The following ZBTB25 variants were observed in gnomAD, a reference collection of about 807,000 sequenced individuals.
The protein encoded by ZBTB25 is zinc finger and BTB domain containing 25.
Under a neutral mutation model 34.2 loss-of-function variants are expected in ZBTB25, and 20 were observed. The observed-to-expected ratio is 0.58, with a 90% CI of 0.41 to 0.85. ZBTB25 has a LOEUF of 0.85. ZBTB25 is among the 40% of genes least tolerant of loss of function. ZBTB25 has a pLI of 0.00. For missense variants in ZBTB25, 437 were observed against 521.8 expected (o/e 0.84, Z 1.58); for synonymous variants, 175 against 186.4 (o/e 0.94, Z 0.50).
Position 64,454,875 on chromosome 14 carries a change from G to A in ZBTB25, c.174-5237C>T. The A allele has an allele frequency of 2.5e-6, 4 of 1,614,154 alleles. No homozygotes were observed. The highest frequency in any genetic ancestry group is 2.2e-5 in the East Asian group (1 of 44,886). ...GTTTTCTGTACCCCTTAGTAGGAACGGTAAGTGCATGCTGCAAGGGAGTAG... is the reference window on the plus strand; with the variant it reads ...GTTTTCTGTACCCCTTAGTAGGAACAGTAAGTGCATGCTGCAAGGGAGTAG... On this transcript the variant is annotated intron_variant, in intron 2 of 2. Coordinates refer to the ZBTB25 transcript ENST00000555220.
In ZBTB25 at chr14:64,485,578, A is replaced by C. The variant is rs1396852552; in HGVS notation, c.*1345T>G. On this transcript the variant is annotated 3_prime_UTR_variant, in exon 3 of 3. Coordinates refer to ENST00000608382, the MANE Select transcript of ZBTB25 (RefSeq NM_006977.5). ...ACCATTATAAAAGAGAGTTAAGTTGATTTATAGAGGAAAAGCTAACATCAT... is the reference window on the plus strand; with the variant it reads ...ACCATTATAAAAGAGAGTTAAGTTGCTTTATAGAGGAAAAGCTAACATCAT... 1.0e-6 allele frequency: 1 copy of C among 985,134 alleles called. No homozygotes were observed. The highest frequency in any genetic ancestry group is 1.1e-4 in the East Asian group (1 of 8,816). 61.0% of individuals were successfully genotyped at this position (985,134 alleles called of 1,614,324 possible). A position where few individuals can be genotyped will look rare whatever the true frequency, so the allele number is the denominator to read the frequency against.
chr14:64,473,523 T>G (rs967517367), downstream of ZBTB25: 1 of 167,150 alleles, frequency 6.0e-6, no homozygotes, highest in African/African-American at 2.4e-5. Context: ...GGCTTCTGTA[T>G]GCAATCCAGC....
chr14:64,500,875 A>C (rs2079470324), intron 1 of ZBTB25, among the ~76,000 whole-genome samples: 1 of 152,130 alleles, frequency 6.6e-6, no homozygotes, highest in Non-Finnish European at 1.5e-5. Context: ...ACATGGCGAA[A>C]CCCTGTCTCT....
At position 64,495,364 on chromosome 14, in the gene ZBTB25, T is replaced by C. The variant is rs138758646; in HGVS notation, c.-7-4824A>G. 4.2e-3 allele frequency among the ~76,000 whole-genome samples: 633 copies of C among 152,342 alleles called. 5 individuals are homozygous for C. Among genetic ancestry groups the C allele is most frequent in the African/African-American group, 0.015 (611 of 41,564 alleles). ...CTCCACACATGTACAGTTGAGGGGT[T>C]TGCAAGAAATTCAAGCAGAGTTTAT... On this transcript the variant is annotated intron_variant, in intron 1 of 2. Coordinates refer to ENST00000608382, the MANE Select transcript of ZBTB25 (RefSeq NM_006977.5).
exon 3 of ZBTB25, chr14:64,449,393 T>G: frequency 6.3e-7 from 1 of 1,593,418 alleles, no homozygotes; most frequent in South Asian, 1.1e-5. Flanking sequence ...AGAAGACAAT[T>G]CTGTCTCTCC....
At chr14:64,454,594 A>C (rs2078434168) in intron 2 of ZBTB25, 18 of 751,874 alleles carry the variant, frequency 2.4e-5, no homozygotes, top group Middle Eastern at 3.6e-4. Flanking sequence ...ACAGCAAGAT[A>C]GAGATGTATA....
chr14:64,502,898 T>C lies in ZBTB25; in HGVS notation c.-8+763A>G, dbSNP rs576761633. On this transcript the variant is annotated intron_variant, in intron 1 of 2. Transcript: ENST00000608382. ...TTAAGATTCCAAAGTGTACTTTACA[T>C]ACATGACAGAATCTTGTGAGAGGAT... The C allele has an allele frequency of 3.8e-5, 37 of 985,390 alleles. No individual in the cohort carries two copies. In the African/African-American group the frequency reaches 5.9e-4, roughly 16 times the overall value. 61.0% of individuals were successfully genotyped at this position (985,390 alleles called of 1,614,324 possible).
chr14:64,488,147 C>A (rs1186703649), intron 2 of ZBTB25, 90 bp from the exon 3 acceptor site: 18 of 1,501,358 alleles, frequency 1.2e-5, no homozygotes, highest in Non-Finnish European at 9.7e-6. Context: ...AAAGCAATTT[C>A]TTCCTAAGAA....
At chr14:64,460,520 T>C (rs2078540724) in intron 2 of ZBTB25, 1 of 151,978 alleles carries the variant, frequency 6.6e-6, no homozygotes, top group Admixed American at 6.6e-5. Flanking sequence ...TTTGAGACAG[T>C]GTCTCTGTCG....
intron 1 of ZBTB25, among the ~76,000 whole-genome samples, chr14:64,497,691 G>A (rs997176698): frequency 6.6e-6 from 1 of 152,078 alleles, no homozygotes; most frequent in African/African-American, 2.4e-5. Context: ...CTTTATACTA[G>A]TATCTATGTT....
chr14:64,464,333 G>A (rs1257844198), intron 2 of ZBTB25, among the ~76,000 whole-genome samples: 1 of 152,068 alleles, frequency 6.6e-6, no homozygotes, highest in African/African-American at 2.4e-5. Flanking sequence ...GCCCATCCCT[G>A]AATTCTTAAT....
At chr14:64,488,926 A>T (rs1232358957) in intron 2 of ZBTB25, among the ~76,000 whole-genome samples, 1 of 152,238 alleles carries the variant, frequency 6.6e-6, no homozygotes, top group African/African-American at 2.4e-5. Context: ...TAGCCACAAT[A>T]AAGATATCTT....
At chr14:64,488,131 G>A in intron 2 of ZBTB25, 74 bp from the exon 3 acceptor site, 1 of 1,523,776 alleles carries the variant, frequency 6.6e-7, no homozygotes, top group Non-Finnish European at 8.8e-7. Context: ...AGTATAGTCT[G>A]AGACTAAAGC....
Position 64,481,930 on chromosome 14 carries a change from T to G in ZBTB25, c.*4993A>C, listed in dbSNP as rs1198452351. 1 of 151,510 alleles carries G rather than the reference T, an allele frequency of 6.6e-6. No individual in the cohort carries two copies. Among genetic ancestry groups the G allele is most frequent in the Non-Finnish European group, 1.5e-5 (1 of 68,030 alleles). The allele number at this position is 151,510 out of a possible 1,614,324, so 9.4% of individuals were successfully genotyped here. A position where few individuals can be genotyped will look rare whatever the true frequency, so the allele number is the denominator to read the frequency against. On this transcript the variant is annotated 3_prime_UTR_variant, in exon 3 of 3. Transcript: ENST00000608382. Reference sequence around the variant, plus strand: ...ATGAAAATTCTTCACATGGCCCATTTTTACATCAATTACTACAAAAAATGG... The same window carrying G: ...ATGAAAATTCTTCACATGGCCCATTGTTACATCAATTACTACAAAAAATGG...
At chr14:64,458,457 T>C (rs2078510037) in intron 2 of ZBTB25, 9 of 702,750 alleles carry the variant, frequency 1.3e-5, no homozygotes. Flanking sequence ...GGGATAGTAA[T>C]GAGAGTTGGC....
chr14:64,487,918 C>T lies in ZBTB25; in HGVS notation c.313G>A (p.Asp105Asn), dbSNP rs199982554. 5.1e-5 allele frequency: 83 copies of T among 1,614,094 alleles called. No individual in the cohort carries two copies. Among genetic ancestry groups the T allele is most frequent in the South Asian group, 8.8e-5 (8 of 91,062 alleles). Residue 105 changes from aspartate to asparagine, a missense_variant, in exon 3 of 3, where the codon GAC becomes AAC. Asp to Asn is a conservative substitution (Grantham distance 23). Transcript: ENST00000608382. ...LEEGIRFLHA[D>N]YLSHIATEMN... is the part of the protein sequence containing the mutation. Reference sequence around the variant, plus strand: ...TCAGTTGCAATGTGAGAAAGGTAGTCGGCGTGAAGAAATCGAATCCCTTCC... The same window carrying T: ...TCAGTTGCAATGTGAGAAAGGTAGTTGGCGTGAAGAAATCGAATCCCTTCC...
intron 1 of ZBTB25, among the ~76,000 whole-genome samples, chr14:64,494,792 T>C (rs374538407): frequency 8.5e-5 from 13 of 152,050 alleles, no homozygotes; most frequent in African/African-American, 2.7e-4. Context: ...GAAACTTACA[T>C]AGAGCACTGA....
intron 2 of ZBTB25, chr14:64,462,250 C>G (rs1021187430): frequency 6.7e-6 from 1 of 148,808 alleles, no homozygotes; most frequent in African/African-American, 2.5e-5. Context: ...GACCCCATCT[C>G]TACAAAAAAC....
intron 2 of ZBTB25, chr14:64,462,499 T>C (rs906790025): frequency 6.6e-6 from 1 of 152,156 alleles, no homozygotes; most frequent in Non-Finnish European, 1.5e-5. Context: ...TCTAGTGCCT[T>C]TACCTTGGTG....
Sources: allele counts gnomAD v4.1 joint callset (sites outside exome capture counted in the v4.1 genomes callset), GRCh38; gene constraint gnomAD v4.1.1; transcripts MANE v1.5; gene names NCBI Gene and HGNC (gene_info 2026-07-23, HGNC 2026-07-21).